BEGAIN: variants seen among roughly 807,000 people sequenced by gnomAD.
The protein encoded by BEGAIN is brain-enriched guanylate kinase-associated protein.
In BEGAIN, 19 loss-of-function variants were observed where a neutral mutation model predicts 35.8. The observed-to-expected ratio is 0.53, with a 90% CI of 0.37 to 0.78. The LOEUF (loss-of-function observed/expected upper bound fraction) is 0.78. Ranked by LOEUF, BEGAIN falls within the 30% of genes least tolerant of loss-of-function variation. The pLI, the probability that BEGAIN is intolerant of heterozygous loss-of-function variation, is 0.00. For missense variants in BEGAIN, 795 were observed against 853.6 expected, an observed-to-expected ratio of 0.93 and a Z score of 0.85; for synonymous variants, 462 against 388.6, an observed-to-expected ratio of 1.19 and a Z score of -2.22.
At chr14:100,559,669 A>G (rs1477131586) in intron 2 of BEGAIN, among the ~76,000 whole-genome samples, 1 of 152,252 alleles carries the variant, frequency 6.6e-6, no homozygotes, top group Non-Finnish European at 1.5e-5. Flanking sequence ...CTGGAATTCC[A>G]GGGATCACAG....
intron 2 of BEGAIN, among the ~76,000 whole-genome samples, chr14:100,556,085 G>A (rs2033693943): frequency 6.6e-6 from 1 of 152,206 alleles, no homozygotes; most frequent in Non-Finnish European, 1.5e-5. Flanking sequence ...GGCCTGGAGA[G>A]GAGTGAGCTT....
At chr14:100,574,897 G>A (rs1237468974) in intron 1 of BEGAIN, among the ~76,000 whole-genome samples, 1 of 152,218 alleles carries the variant, frequency 6.6e-6, no homozygotes, top group African/African-American at 2.4e-5. Flanking sequence ...CCCTGGCCCT[G>A]TGCTTCCTGC....
intron 1 of BEGAIN, among the ~76,000 whole-genome samples, chr14:100,572,643 C>G (rs934537774): frequency 1.3e-5 from 2 of 152,144 alleles, no homozygotes; most frequent in Admixed American, 1.3e-4. Context: ...GGGGGTTGGG[C>G]CTTCTCCGCA....
intron 1 of BEGAIN, chr14:100,569,323 C>A (rs2034985208): frequency 6.6e-6 from 1 of 152,260 alleles, no homozygotes. Context: ...GACCACAAGC[C>A]TGGACCCCTC....
intron 2 of BEGAIN, among the ~76,000 whole-genome samples, chr14:100,552,639 AG>A (rs1261071674): frequency 6.6e-6 from 1 of 152,206 alleles, no homozygotes; most frequent in Non-Finnish European, 1.5e-5. Context: ...TTTTGAGAGC[AG>A]GGGAGCCGTG....
In BEGAIN at chr14:100,563,673, C is replaced by T. The variant is rs151123963; in HGVS notation, c.71+4238G>A. ...GTCTGTTCCGATCTTCCAGAGCTGACCCTATGCGCACCCTGTGCCCCGGAG... is the reference window on the plus strand; with the variant it reads ...GTCTGTTCCGATCTTCCAGAGCTGATCCTATGCGCACCCTGTGCCCCGGAG... On this transcript the variant is annotated intron_variant, in intron 2 of 6. Coordinates refer to ENST00000554140, the MANE Select transcript of BEGAIN (RefSeq NM_001385089.1). The surrounding 1 kb of genome is among the most constrained non-coding windows in gnomAD (Gnocchi z 4.2). 9.6e-3 allele frequency among the ~76,000 whole-genome samples: 1,450 copies of T among 151,652 alleles called. 6 individuals are homozygous for T. The highest frequency in any genetic ancestry group is 0.017 in the Non-Finnish European group (1,166 of 68,024).
chr14:100,538,233 C>G lies in BEGAIN; in HGVS notation c.1575G>C (p.Ser525=), dbSNP rs1402979841. Residue 525 remains serine (S), a synonymous_variant, in exon 7 of 7, where the codon TCG becomes TCC. Transcript: ENST00000554140. ...GTGCATAGCCGGGCAGTGGGTCAGC[C>G]GAGCGGCCGGGACTGAGGCTCAGGT... is the stretch of plus-strand genomic sequence containing the variant. The part of the protein sequence containing the change: ...GGDLSLSPGR[S]ADPLPGYAPS... 1 of 1,568,702 alleles carries G rather than the reference C, an allele frequency of 6.4e-7. No individual in the cohort carries two copies. The highest frequency in any genetic ancestry group is 1.8e-5 in the Admixed American group (1 of 56,028).
At position 100,573,187 on chromosome 14, in the gene BEGAIN, G is replaced by A. The variant is rs184708305; in HGVS notation, c.43-5248C>T. On this transcript the variant is annotated intron_variant, in intron 1 of 6. Transcript: ENST00000554140. This position sits in a 1 kb window ranked among gnomAD's most constrained non-coding sequence, Gnocchi z 4.2. ...AGGAGGGAGCAGGTGAGTCTGGGGG[G>A]AGGGGCTTCCGGAGGAGGGGGCTGG... Among the ~76,000 whole-genome samples, 802 of 142,818 alleles carry A rather than the reference G, an allele frequency of 5.6e-3. 14 individuals carry two copies. Among genetic ancestry groups the A allele is most frequent in the African/African-American group, 0.02 (751 of 36,834 alleles). 93.7% of individuals were successfully genotyped at this position (142,818 alleles called of 152,430 possible). A position where few individuals can be genotyped will look rare whatever the true frequency, so the allele number is the denominator to read the frequency against.
rs530773665 is a variant in BEGAIN at position 100,578,955 on chromosome 14, G to A, written c.42+8294C>T. Reference sequence around the variant, plus strand: ...CGGCTCACTGCAACTTCCGCTCCCAGATTCAAGCAATTCTCCTGCCTCAGC... The same window carrying A: ...CGGCTCACTGCAACTTCCGCTCCCAAATTCAAGCAATTCTCCTGCCTCAGC... On this transcript the variant is annotated intron_variant, in intron 1 of 6. Transcript: ENST00000554140. Among the ~76,000 whole-genome samples, 6 of 149,230 alleles carry A rather than the reference G, an allele frequency of 4.0e-5. No homozygotes were observed. In the East Asian group the frequency reaches 1.2e-3, roughly 31 times the overall value.
At chr14:100,550,308 C>T (rs2033057077) in intron 2 of BEGAIN, 1 of 397,566 alleles carries the variant, frequency 2.5e-6, no homozygotes, top group Admixed American at 4.4e-5. Flanking sequence ...CCTTCACCTT[C>T]ACCTTCTGGG....
chr14:100,564,303 G>T (rs1004712014), intron 2 of BEGAIN, among the ~76,000 whole-genome samples: 3 of 152,026 alleles, frequency 2.0e-5, no homozygotes, highest in African/African-American at 7.2e-5. Flanking sequence ...ATTCTATTTT[G>T]GGGGGAAAAC....
intron 1 of BEGAIN, chr14:100,577,945 G>A (rs1167057232): frequency 5.0e-6 from 2 of 399,110 alleles, no homozygotes; most frequent in African/African-American, 4.1e-5. Flanking sequence ...GCTGGCCCCT[G>A]AGAGCATCCT....
chr14:100,568,617 G>T lies in BEGAIN; in HGVS notation c.43-678C>A. On this transcript the variant is annotated intron_variant, in intron 1 of 6. Coordinates refer to ENST00000554140, the MANE Select transcript of BEGAIN (RefSeq NM_001385089.1). This position sits in a 1 kb window ranked among gnomAD's most constrained non-coding sequence, Gnocchi z 7.5. ...CTTGCTTGCGCAGACCCGCCCGCGC[G>T]CGGCTTGGAGACCCTCCCTGCCCAG... 1 of 938,068 alleles carries T rather than the reference G, an allele frequency of 1.1e-6. No homozygotes were observed. 58.1% of individuals were successfully genotyped at this position (938,068 alleles called of 1,614,324 possible).
At position 100,586,666 on chromosome 14, in the gene BEGAIN, C is replaced by T. The variant is rs555852339; in HGVS notation, c.42+583G>A. On this transcript the variant is annotated intron_variant, in intron 1 of 6. Coordinates refer to ENST00000554140, the MANE Select transcript of BEGAIN (RefSeq NM_001385089.1). This position sits in a 1 kb window ranked among gnomAD's most constrained non-coding sequence, Gnocchi z 4.9. ...TGGCCTCCCTGAGCCTCAGTTTCCT[C>T]GCCTGTAAAGGGGCAGGAGGATAGT... 1.3e-3 allele frequency among the ~76,000 whole-genome samples: 191 copies of T among 152,332 alleles called. No homozygotes were observed. Among genetic ancestry groups the T allele is most frequent in the Middle Eastern group, 3.4e-3 (1 of 294 alleles).
chr14:100,544,987 G>A lies in BEGAIN; in HGVS notation c.300+13C>T, dbSNP rs201229779. 432 of 1,610,386 alleles carry A rather than the reference G, an allele frequency of 2.7e-4. No homozygotes were observed. In the African/African-American group the frequency reaches 3.0e-3, roughly 11 times the overall value. On this transcript the variant is annotated intron_variant, in intron 4 of 6. Transcript: ENST00000554140. ...TGTGGGGTGGGGGAGTGGGCGCTGC[G>A]TGGCGGCCTCACCATGCGGTACAGC...
chr14:100,568,816 C>T lies in BEGAIN; in HGVS notation c.43-877G>A, dbSNP rs1310454325. On this transcript the variant is annotated intron_variant, in intron 1 of 6. Transcript: ENST00000554140. The surrounding 1 kb of genome is among the most constrained non-coding windows in gnomAD (Gnocchi z 7.5). ...TCTCTATCACCCGGGAGAGGCCGCT[C>T]CCCGGGGCTTTGCCCGTCTTTCTGT... 6.6e-5 allele frequency: 64 copies of T among 967,430 alleles called. No homozygotes were observed. The highest frequency in any genetic ancestry group is 7.7e-5 in the Non-Finnish European group (63 of 813,394). The allele number at this position is 967,430 out of a possible 1,614,324, so 59.9% of individuals were successfully genotyped here. A position where few individuals can be genotyped will look rare whatever the true frequency, so the allele number is the denominator to read the frequency against.
Position 100,537,833 on chromosome 14 carries a change from A to G in BEGAIN, c.*136T>C. ...GGCCTACAGGGCTGGGGAGGAGAGG[A>G]GGTGCGGGGAGGAACAGACTCCTCG... On this transcript the variant is annotated 3_prime_UTR_variant, in exon 7 of 7. Coordinates refer to ENST00000554140, the MANE Select transcript of BEGAIN (RefSeq NM_001385089.1). 2.3e-6 allele frequency: 3 copies of G among 1,287,598 alleles called. No homozygotes were observed. Among genetic ancestry groups the G allele is most frequent in the Non-Finnish European group, 3.1e-6 (3 of 979,720 alleles). 79.8% of individuals were successfully genotyped at this position (1,287,598 alleles called of 1,614,324 possible).
chr14:100,585,689 C>T (rs1013826515), intron 1 of BEGAIN, among the ~76,000 whole-genome samples: 4 of 152,010 alleles, frequency 2.6e-5, no homozygotes, highest in Non-Finnish European at 1.5e-5. Context: ...CAGGCCTGGG[C>T]TCTGACAGGT....
chr14:100,564,162 C>T (rs990418317), intron 2 of BEGAIN, among the ~76,000 whole-genome samples: 3 of 150,658 alleles, frequency 2.0e-5, no homozygotes, highest in Admixed American at 1.3e-4. Flanking sequence ...CGGGGGATCT[C>T]GGGGGTTGGC....
Sources: allele counts gnomAD v4.1 joint callset (sites outside exome capture counted in the v4.1 genomes callset), GRCh38; gene constraint gnomAD v4.1.1; non-coding constraint Gnocchi (gnomAD v3.1); transcripts MANE v1.5; gene names NCBI Gene and HGNC (gene_info 2026-07-23, HGNC 2026-07-21).